NRXN3: variants seen among roughly 807,000 people sequenced by gnomAD.
The protein encoded by NRXN3 is neurexin III.
A neutral mutation model predicts 137.6 loss-of-function variants in NRXN3; 32 were observed. That is an observed-to-expected ratio of 0.23 (90% CI 0.18 to 0.31). The LOEUF (loss-of-function observed/expected upper bound fraction) is 0.31. Ranked by LOEUF, NRXN3 falls within the 10% of genes least tolerant of loss-of-function variation. The probability of loss-of-function intolerance (pLI) is 1.00; values close to 1 mark genes in which losing one functional copy is unlikely to be tolerated. For synonymous variants in NRXN3, 798 were observed against 784.5 expected, an observed-to-expected ratio of 1.02 and a Z score of -0.29; for missense variants, 1,574 against 2,062.5, an observed-to-expected ratio of 0.76 and a Z score of 4.59.
At position 78,209,909 on chromosome 14, in the gene NRXN3, A is replaced by G. The variant is rs954148899; in HGVS notation, c.-703-32482A>G. The stretch of plus-strand genomic sequence containing the variant: ...AGTACTTGTCACCATTGGGCATACT[A>G]TTTGTTATATTTATGTGTTTGTTTA... On this transcript the variant is annotated intron_variant, in intron 1 of 20. Coordinates refer to ENST00000335750, the MANE Select transcript of NRXN3 (RefSeq NM_001330195.2). Among the ~76,000 whole-genome samples, 7 of 152,202 alleles carry G rather than the reference A, an allele frequency of 4.6e-5. No individual in the cohort carries two copies. In the East Asian group the frequency reaches 9.6e-4, roughly 21 times the overall value.
At chr14:79,481,357 A>T (rs1291234429) in intron 16 of NRXN3, among the ~76,000 whole-genome samples, 1 of 152,060 alleles carries the variant, frequency 6.6e-6, no homozygotes, top group Non-Finnish European at 1.5e-5. Flanking sequence ...AATGAGGAGG[A>T]TATGTTCTGG....
intron 16 of NRXN3, among the ~76,000 whole-genome samples, chr14:79,520,711 C>T (rs1388039723): frequency 6.6e-6 from 1 of 152,138 alleles, no homozygotes; most frequent in Non-Finnish European, 1.5e-5. Context: ...ATCAAAACCA[C>T]AATGAGATAC....
intron 8 of NRXN3, among the ~76,000 whole-genome samples, chr14:78,747,400 G>A (rs562940857): frequency 6.6e-6 from 1 of 152,230 alleles, no homozygotes; most frequent in East Asian, 1.9e-4. Flanking sequence ...GAAATCAGGT[G>A]CAATAAGCTT....
chr14:78,929,613 T>A (rs1316158404), intron 10 of NRXN3, among the ~76,000 whole-genome samples: 2 of 152,168 alleles, frequency 1.3e-5, no homozygotes, highest in African/African-American at 4.8e-5. Flanking sequence ...GCATTTGGGT[T>A]GATTCCATGA....
chr14:79,523,878 T>C (rs1349719149), intron 16 of NRXN3, among the ~76,000 whole-genome samples: 1 of 152,196 alleles, frequency 6.6e-6, no homozygotes, highest in African/African-American at 2.4e-5. Flanking sequence ...TTCTTTAAAG[T>C]GGAAGACCCT....
In NRXN3 at chr14:78,225,018, G is replaced by A. The variant is rs189998446; in HGVS notation, c.-703-17373G>A. Among the ~76,000 whole-genome samples the A allele has an allele frequency of 2.5e-3, 386 of 151,744 alleles. 2 individuals are homozygous for A. The highest frequency in any genetic ancestry group is 8.7e-3 in the African/African-American group (359 of 41,414). On this transcript the variant is annotated intron_variant, in intron 1 of 20. Coordinates refer to ENST00000335750, the MANE Select transcript of NRXN3 (RefSeq NM_001330195.2). ...CCTGACCTCATGATCCACCTGCCTCGGCCTCCCAAAGTGCTGGGATTACAG... is the reference window on the plus strand; with the variant it reads ...CCTGACCTCATGATCCACCTGCCTCAGCCTCCCAAAGTGCTGGGATTACAG...
chr14:78,443,139 C>G (rs1394936455), intron 4 of NRXN3, among the ~76,000 whole-genome samples: 3 of 152,152 alleles, frequency 2.0e-5, no homozygotes, highest in South Asian at 2.1e-4. Context: ...TTTTAAAATT[C>G]TTTTCAAAAT....
At chr14:79,155,444 C>A (rs1186245512) in intron 15 of NRXN3, among the ~76,000 whole-genome samples, 1 of 151,762 alleles carries the variant, frequency 6.6e-6, no homozygotes, top group Admixed American at 6.6e-5. Context: ...CATATGAATA[C>A]CACCTTCACC....
At chr14:78,345,999 G>A (rs2082687680) in intron 4 of NRXN3, among the ~76,000 whole-genome samples, 1 of 152,172 alleles carries the variant, frequency 6.6e-6, no homozygotes, top group Non-Finnish European at 1.5e-5. Flanking sequence ...AAATGGGAAG[G>A]CCATTAAAGG....
At chr14:78,413,566 G>T (rs1469448646) in intron 4 of NRXN3, among the ~76,000 whole-genome samples, 1 of 152,210 alleles carries the variant, frequency 6.6e-6, no homozygotes, top group Non-Finnish European at 1.5e-5. Context: ...ACAGGCATGA[G>T]CCACCGCACC....
intron 2 of NRXN3, among the ~76,000 whole-genome samples, chr14:78,251,663 G>T (rs74336576): frequency 5.8e-4 from 88 of 152,310 alleles, no homozygotes; most frequent in African/African-American, 2.0e-3. Context: ...AGGGTGCAGG[G>T]AATATAGGAA....
chr14:78,628,680 A>G (rs2097491053), intron 4 of NRXN3, among the ~76,000 whole-genome samples: 1 of 152,198 alleles, frequency 6.6e-6, no homozygotes, highest in South Asian at 2.1e-4. Context: ...AAGGATATGT[A>G]ATCTGGTTAT....
Position 79,842,075 on chromosome 14 carries a change from T to A in NRXN3, c.4094-19267T>A, listed in dbSNP as rs529830254. Among the ~76,000 whole-genome samples the A allele has an allele frequency of 2.6e-5, 4 of 152,322 alleles. No individual in the cohort carries two copies. The South Asian group carries it at 8.3e-4, about 32-fold the overall frequency. ...AGAGTGGGCTCCTTTTGCAAGGTAT[T>A]CGTGGCTATTCCAGGCATCCTTTCT... is the stretch of plus-strand genomic sequence containing the variant. On this transcript the variant is annotated intron_variant, in intron 20 of 20. Coordinates refer to ENST00000335750, the MANE Select transcript of NRXN3 (RefSeq NM_001330195.2).
Position 78,968,263 on chromosome 14 carries a change from C to T in NRXN3, c.3059C>T (p.Ala1020Val). 1 of 1,614,112 alleles carries T rather than the reference C, an allele frequency of 6.2e-7. No individual in the cohort carries two copies. The highest frequency in any genetic ancestry group is 8.5e-7 in the Non-Finnish European group (1 of 1,180,008). The part of the protein sequence containing the change: ...ASRDGFQGCL[A>V]SVDLNGRLPD... ...CGAGATGGCTTTCAGGGCTGTCTAG[C>T]ATCAGTGGACTTGAATGGACGCCTG... The change falls in exon 14 of 21, where the codon GCA becomes GTA. Residue 1020 changes from alanine to valine, a missense_variant. Coordinates refer to ENST00000335750, the MANE Select transcript of NRXN3 (RefSeq NM_001330195.2).
intron 15 of NRXN3, among the ~76,000 whole-genome samples, chr14:79,031,162 G>A (rs1318579471): frequency 1.3e-5 from 2 of 152,042 alleles, no homozygotes; most frequent in African/African-American, 4.8e-5. Flanking sequence ...TAATCCTAAG[G>A]GGAGGTCAGG....
intron 16 of NRXN3, among the ~76,000 whole-genome samples, chr14:79,587,522 C>T (rs959534524): frequency 6.6e-6 from 1 of 152,090 alleles, no homozygotes; most frequent in African/African-American, 2.4e-5. Flanking sequence ...ATACTTAAGA[C>T]AAATATGTAA....
At chr14:79,450,252 T>A (rs940959377) in intron 15 of NRXN3, among the ~76,000 whole-genome samples, 3 of 152,018 alleles carry the variant, frequency 2.0e-5, no homozygotes, top group African/African-American at 7.2e-5. Flanking sequence ...TAGAAGTACA[T>A]AGTAGAATAG....
chr14:78,196,123 C>T (rs1049358051), intron 1 of NRXN3, among the ~76,000 whole-genome samples: 2 of 152,214 alleles, frequency 1.3e-5, no homozygotes, highest in Non-Finnish European at 2.9e-5. Context: ...GCTTTTCCCA[C>T]GTCACCCAGC....
At chr14:78,605,496 G>A (rs1430599777) in intron 4 of NRXN3, among the ~76,000 whole-genome samples, 1 of 152,140 alleles carries the variant, frequency 6.6e-6, no homozygotes, top group Non-Finnish European at 1.5e-5. Flanking sequence ...CCTCTAATTT[G>A]ACATTCAGGT....
Sources: gnomAD v4.1 joint callset for allele counts (sites outside exome capture counted in the v4.1 genomes callset) on GRCh38, gnomAD v4.1.1 for gene constraint, MANE v1.5 for transcripts, NCBI Gene and HGNC (gene_info 2026-07-23, HGNC 2026-07-21) for gene names.